Variants in GRIK2 observed in about 807,000 individuals in gnomAD.
The protein encoded by GRIK2 is glutamate ionotropic receptor kainate type subunit 2, also known as glutamate receptor ionotropic, kainate 2.
GRIK2 carries 32 observed loss-of-function variants against 100.3 expected under a neutral mutation model. The ratio of observed to expected loss-of-function variants is 0.32; its 90% CI spans 0.24 to 0.43. The LOEUF is 0.43. GRIK2 is among the 20% of genes least tolerant of loss of function. The pLI is 1.00. For synonymous variants in GRIK2, 417 were observed against 389.4 expected (o/e 1.07, Z -0.83); for missense variants, 843 against 1,114.9 (o/e 0.76, Z 3.47).
intron 2 of GRIK2, among the ~76,000 whole-genome samples, chr6:101,425,582 T>A (rs1461103747): frequency 1.3e-5 from 2 of 152,206 alleles, no homozygotes; most frequent in African/African-American, 4.8e-5. Flanking sequence ...AATGTTATCC[T>A]ACATTTTTCA....
At chr6:101,905,736 A>G (rs554501620) in intron 12 of GRIK2, among the ~76,000 whole-genome samples, 6 of 151,522 alleles carry the variant, frequency 4.0e-5, no homozygotes, top group Non-Finnish European at 5.9e-5. Context: ...TTTATCAATA[A>G]GTATTAGCAT....
intron 2 of GRIK2, among the ~76,000 whole-genome samples, chr6:101,620,560 ATAGG>A (rs1455432139): frequency 2.6e-5 from 4 of 152,140 alleles, no homozygotes; most frequent in African/African-American, 9.7e-5. Context: ...CTAATTTATA[ATAGG>A]TAGTTTGCTA....
At chr6:101,781,109 T>C (rs186703198) in intron 7 of GRIK2, among the ~76,000 whole-genome samples, 1 of 152,238 alleles carries the variant, frequency 6.6e-6, no homozygotes, top group Non-Finnish European at 1.5e-5. Context: ...CTATTTACTT[T>C]ATATGTTATT....
intron 14 of GRIK2, among the ~76,000 whole-genome samples, chr6:101,991,293 T>C (rs888888649): frequency 2.0e-4 from 31 of 151,546 alleles, no homozygotes; most frequent in Admixed American, 8.6e-4. Flanking sequence ...AGTGAGGAAA[T>C]TTAAGCTTGA....
chr6:101,797,016 A>G (rs961065204), intron 7 of GRIK2, among the ~76,000 whole-genome samples: 21 of 152,138 alleles, frequency 1.4e-4, no homozygotes, highest in Non-Finnish European at 2.2e-4. Context: ...TAGCATTGTC[A>G]TATTAAATAA....
intron 2 of GRIK2, among the ~76,000 whole-genome samples, chr6:101,532,239 T>C (rs1275933304): frequency 1.3e-5 from 2 of 151,968 alleles, no homozygotes; most frequent in Non-Finnish European, 2.9e-5. Flanking sequence ...TCTATAATGC[T>C]CTTTCTTCTA....
At chr6:101,503,358 AAGG>A (rs1226750892) in intron 2 of GRIK2, among the ~76,000 whole-genome samples, 2 of 152,132 alleles carry the variant, frequency 1.3e-5, no homozygotes, top group African/African-American at 2.4e-5. Context: ...TATGAATAGA[AAGG>A]AGGAAGAAGG....
At chr6:101,780,046 T>G (rs1013131464) in intron 7 of GRIK2, among the ~76,000 whole-genome samples, 3 of 152,164 alleles carry the variant, frequency 2.0e-5, no homozygotes, top group Non-Finnish European at 4.4e-5. Context: ...AATAACCAAA[T>G]TGTACTGATA....
chr6:101,976,169 A>T (rs1038987027), intron 14 of GRIK2, among the ~76,000 whole-genome samples: 1 of 151,948 alleles, frequency 6.6e-6, no homozygotes, highest in Admixed American at 6.6e-5. Flanking sequence ...GAAATTGGAG[A>T]TGAACTCACT....
intron 2 of GRIK2, among the ~76,000 whole-genome samples, chr6:101,454,615 T>C (rs1334066007): frequency 6.6e-6 from 1 of 152,102 alleles, no homozygotes; most frequent in South Asian, 2.1e-4. Flanking sequence ...ATACTGAGAT[T>C]TTTTTTATTT....
intron 2 of GRIK2, among the ~76,000 whole-genome samples, chr6:101,513,251 T>C (rs982855177): frequency 1.3e-5 from 2 of 152,098 alleles, no homozygotes; most frequent in African/African-American, 4.8e-5. Flanking sequence ...CTATGGTGAA[T>C]TTAAATATTT....
intron 2 of GRIK2, among the ~76,000 whole-genome samples, chr6:101,592,240 C>CT (rs967712810): frequency 5.9e-5 from 9 of 151,828 alleles, no homozygotes; most frequent in African/African-American, 2.2e-4. Context: ...AAAGAAATGA[C>CT]TAATATAATT....
chr6:101,924,367 C>T (rs1305164774), intron 12 of GRIK2, among the ~76,000 whole-genome samples: 1 of 152,068 alleles, frequency 6.6e-6, no homozygotes, highest in African/African-American at 2.4e-5. Flanking sequence ...TTTCCTCTAA[C>T]AAATAATGTA....
intron 2 of GRIK2, among the ~76,000 whole-genome samples, chr6:101,520,995 AG>A (rs1774855082): frequency 6.6e-6 from 1 of 152,130 alleles, no homozygotes; most frequent in South Asian, 2.1e-4. Context: ...AACATTTAAA[AG>A]AAAATTAGTT....
intron 2 of GRIK2, among the ~76,000 whole-genome samples, chr6:101,581,197 T>C (rs1437112667): frequency 6.7e-6 from 1 of 149,346 alleles, no homozygotes; most frequent in East Asian, 1.9e-4. Context: ...CACACACATA[T>C]ATATACGCAT....
intron 16 of GRIK2, among the ~76,000 whole-genome samples, chr6:102,067,887 A>G (rs1284980261): frequency 3.3e-5 from 5 of 151,924 alleles, no homozygotes; most frequent in Non-Finnish European, 7.4e-5. Flanking sequence ...TTTGAGATGT[A>G]CAATGAAGAA....
At chr6:101,789,122 G>C (rs1381087296) in intron 7 of GRIK2, among the ~76,000 whole-genome samples, 1 of 152,112 alleles carries the variant, frequency 6.6e-6, no homozygotes, top group Non-Finnish European at 1.5e-5. Flanking sequence ...TGTCAGATGA[G>C]TAGGTTGCGA....
chr6:101,954,213 G>GGGCC (rs1562508470), intron 14 of GRIK2, among the ~76,000 whole-genome samples: 1 of 152,048 alleles, frequency 6.6e-6, no homozygotes, highest in East Asian at 1.9e-4. Context: ...TTTTGACTAT[G>GGGCC]TCAGGTTCCC....
intron 14 of GRIK2, among the ~76,000 whole-genome samples, chr6:101,988,390 T>A (rs1794167689): frequency 6.6e-6 from 1 of 151,868 alleles, no homozygotes; most frequent in Admixed American, 6.6e-5. Context: ...TATATAGCAT[T>A]GTAATACTTT....
Sources: gnomAD v4.1 joint callset for allele counts (sites outside exome capture counted in the v4.1 genomes callset) on GRCh38, gnomAD v4.1.1 for gene constraint, MANE v1.5 for transcripts, NCBI Gene and HGNC (gene_info 2026-07-23, HGNC 2026-07-21) for gene names.